MDN1: variants seen among roughly 807,000 people sequenced by gnomAD.
MDN1 encodes midasin AAA ATPase 1.
Under a neutral mutation model 669.2 loss-of-function variants are expected in MDN1, and 266 were observed. That is an observed-to-expected ratio of 0.40 (90% CI 0.36 to 0.44). The LOEUF (loss-of-function observed/expected upper bound fraction) is 0.44. Among genes scored for constraint, MDN1 ranks in the 20% least tolerant of loss-of-function variants. The pLI is 1.00. For missense variants in MDN1, 5,940 were observed against 6,754.0 expected, an observed-to-expected ratio of 0.88 and a Z score of 4.22; for synonymous variants, 2,385 against 2,457.1, an observed-to-expected ratio of 0.97 and a Z score of 0.87.
At chr6:89,706,525 G>A (rs764575311) in intron 52 of MDN1, among the ~76,000 whole-genome samples, 1 of 151,790 alleles carries the variant, frequency 6.6e-6, no homozygotes, top group Non-Finnish European at 1.5e-5. Context: ...AACAAAGTTT[G>A]GACTGCATTT....
intron 75 of MDN1, 150 bp from the exon 76 acceptor site, chr6:89,677,846 A>G: frequency 1.0e-6 from 1 of 971,728 alleles, no homozygotes; most frequent in Non-Finnish European, 1.5e-6. Flanking sequence ...ACCCACACCA[A>G]CTGAAACAGG....
chr6:89,707,569 G>A, intron 51 of MDN1, 93 bp from the exon 52 acceptor site: 1 of 820,114 alleles, frequency 1.2e-6, no homozygotes, highest in Admixed American at 1.9e-5. Flanking sequence ...GGAACATCAG[G>A]GTCCTTCATC....
At chr6:89,674,624 A>G (rs775321937) in intron 78 of MDN1, 35 bp from the exon 79 acceptor site, 29 of 1,503,328 alleles carry the variant, frequency 1.9e-5, no homozygotes, top group Non-Finnish European at 2.6e-5. Context: ...AACACAATGA[A>G]TGGCACCTTA....
At chr6:89,746,635 G>C (rs1298862239) in intron 27 of MDN1, among the ~76,000 whole-genome samples, 1 of 120,258 alleles carries the variant, frequency 8.3e-6, no homozygotes, top group Non-Finnish European at 1.8e-5. Context: ...AAGAAAGAAA[G>C]AAAGAAAGAA....
chr6:89,690,979 T>A, intron 63 of MDN1, 145 bp from the exon 64 acceptor site: 1 of 1,005,188 alleles, frequency 9.9e-7, no homozygotes, highest in Non-Finnish European at 1.4e-6. Flanking sequence ...CTAAATTCCA[T>A]GGAATAAAGA....
At chr6:89,778,939 A>AATAAAT (rs1562209673) in intron 11 of MDN1, among the ~76,000 whole-genome samples, 1 of 120,286 alleles carries the variant, frequency 8.3e-6, no homozygotes, top group African/African-American at 3.1e-5. Flanking sequence ...AATAAAAAAA[A>AATAAAT]AGGTATAGGG....
intron 81 of MDN1, 59 bp downstream of exon 81, chr6:89,672,488 C>T (rs976310084): frequency 1.9e-6 from 3 of 1,596,382 alleles, no homozygotes; most frequent in Non-Finnish European, 2.6e-6. Context: ...AGAAATAAAT[C>T]ATCAAATACA....
In MDN1 at chr6:89,713,463, A is replaced by G. The variant is rs551293912; in HGVS notation, c.7070-167T>C. Among the ~76,000 whole-genome samples, 464 of 152,172 alleles carry G rather than the reference A, an allele frequency of 3.0e-3. 2 individuals carry two copies. The highest frequency in any genetic ancestry group is 0.011 in the African/African-American group (441 of 41,514). The stretch of plus-strand genomic sequence containing the variant: ...CTAGAGTCCTCCGAGGGCACAAAGG[A>G]CCTGTAGGAACCTTTGTATTCCTAT... On this transcript the variant is annotated intron_variant, in intron 46 of 101. Transcript: ENST00000369393.
At chr6:89,709,557 T>C (rs1385210698) in intron 50 of MDN1, among the ~76,000 whole-genome samples, 1 of 152,238 alleles carries the variant, frequency 6.6e-6, no homozygotes, top group African/African-American at 2.4e-5. Flanking sequence ...CAAAGTATTT[T>C]TCTCTATTGT....
At chr6:89,779,690 ATAAT>A (rs1818556523) in intron 11 of MDN1, among the ~76,000 whole-genome samples, 1 of 152,236 alleles carries the variant, frequency 6.6e-6, no homozygotes, top group Non-Finnish European at 1.5e-5. Context: ...GAAATTAATA[ATAAT>A]TTGTTTCAAA....
In MDN1 at chr6:89,723,129, C is replaced by T; in HGVS notation, c.5793G>A (p.Val1931=). The T allele has an allele frequency of 6.2e-7, 1 of 1,614,012 alleles. No individual in the cohort carries two copies. The highest frequency in any genetic ancestry group is 8.5e-7 in the Non-Finnish European group (1 of 1,179,940). Residue 1931 remains valine (V), a synonymous_variant, in exon 40 of 102, where the codon GTG becomes GTA. Transcript: ENST00000369393. ...VAFNNQIDHE[V]TVEKKWGQKG... is the part of the protein sequence containing the mutation. ...TTTGCCCCCATTTCTTCTCAACAGT[C>T]ACTTCATGATCAATCTAGAAAGAAA...
intron 53 of MDN1, among the ~76,000 whole-genome samples, chr6:89,702,572 C>T (rs1273897102): frequency 1.3e-5 from 2 of 152,202 alleles, no homozygotes; most frequent in African/African-American, 4.8e-5. Context: ...AAAGTTCTTA[C>T]TGGGCATTCA....
Position 89,646,520 on chromosome 6 carries a change from G to T in MDN1, c.16459+20C>A, listed in dbSNP as rs751686325. ...TACAAGAAAGCATTTTGTTAATGAAGAGGAAGGCATGCAGCTCACCTGAAC... is the reference window on the plus strand; with the variant it reads ...TACAAGAAAGCATTTTGTTAATGAATAGGAAGGCATGCAGCTCACCTGAAC... On this transcript the variant is annotated intron_variant, in intron 100 of 101. Coordinates refer to ENST00000369393, the MANE Select transcript of MDN1 (RefSeq NM_014611.3). 11 of 1,611,648 alleles carry T rather than the reference G, an allele frequency of 6.8e-6. No individual in the cohort carries two copies. Among genetic ancestry groups the T allele is most frequent in the Admixed American group, 6.7e-5 (4 of 59,926 alleles).
chr6:89,752,271 T>C (rs1816996460), intron 22 of MDN1, among the ~76,000 whole-genome samples: 1 of 152,140 alleles, frequency 6.6e-6, no homozygotes. Flanking sequence ...GGAGGAAGGA[T>C]CTTTTTAAGT....
At chr6:89,670,170 A>ATATATATATTTTTT (rs1444537561) in intron 83 of MDN1, among the ~76,000 whole-genome samples, 1 of 23,404 alleles carries the variant, frequency 4.3e-5, no homozygotes, top group African/African-American at 2.6e-4. Flanking sequence ...ATATATATAT[A>ATATATATATTTTTT]TTTTTTTTTT....
intron 85 of MDN1, 86 bp from the exon 86 acceptor site, chr6:89,663,053 G>T: frequency 6.8e-7 from 1 of 1,464,756 alleles, no homozygotes; most frequent in Non-Finnish European, 9.4e-7. Flanking sequence ...CGCTTCCCTA[G>T]CAAGGGCCCC....
At chr6:89,649,461 A>G (rs931606346) in intron 97 of MDN1, among the ~76,000 whole-genome samples, 1 of 152,244 alleles carries the variant, frequency 6.6e-6, no homozygotes, top group East Asian at 1.9e-4. Flanking sequence ...CCCATGCTGT[A>G]TAACAGCATC....
chr6:89,670,162 ATATATATATTTTTTTT>A (rs1207115596), intron 83 of MDN1, among the ~76,000 whole-genome samples: 37 of 22,288 alleles, frequency 1.7e-3, no homozygotes, highest in South Asian at 4.3e-3. Context: ...ATATATATAT[ATATATATATTTTTTTT>A]TTTTTTTTTT....
In MDN1 at chr6:89,668,069, A is replaced by G. The variant is rs1810390633; in HGVS notation, c.14039T>C (p.Ile4680Thr). Reference protein sequence around the residue: ...TEFHDYEGGGIGEGEGMKDVS... With the variant: ...TEFHDYEGGGTGEGEGMKDVS... The stretch of plus-strand genomic sequence containing the variant: ...ATCCTTCATGCCCTCGCCTTCTCCA[A>G]TTCCACCTCCCTCATAGTCATGGAA... Residue 4680 changes from isoleucine to threonine, a missense_variant, in exon 84 of 102, where the codon ATT (isoleucine) becomes ACT (threonine). Physicochemically the swap from Ile to Thr is moderately conservative, Grantham distance 89. This residue lies in a region of MDN1 where 2,280 missense variants were observed against 2,576.3 expected (regional missense o/e 0.88). Coordinates refer to ENST00000369393, the MANE Select transcript of MDN1 (RefSeq NM_014611.3). 2 of 1,614,078 alleles carry G rather than the reference A, an allele frequency of 1.2e-6. No individual in the cohort carries two copies. The highest frequency in any genetic ancestry group is 1.7e-6 in the Non-Finnish European group (2 of 1,179,982).
Sources: gnomAD v4.1 joint callset for allele counts (sites outside exome capture counted in the v4.1 genomes callset) on GRCh38, gnomAD v4.1.1 for gene constraint, gnomAD v4.1.1 regional missense constraint, MANE v1.5 for transcripts, NCBI Gene and HGNC (gene_info 2026-07-23, HGNC 2026-07-21) for gene names.